Variants in ICA1L observed in about 807,000 individuals in gnomAD.
The protein encoded by ICA1L is islet cell autoantigen 1 like, also known as islet cell autoantigen 1-like protein.
A neutral mutation model predicts 61.3 loss-of-function variants in ICA1L; 50 were observed. The ratio of observed to expected loss-of-function variants is 0.82; its 90% CI spans 0.65 to 1.03. The LOEUF (loss-of-function observed/expected upper bound fraction) is 1.03, where lower values mean the gene tolerates loss of function less well. Among genes scored for constraint, ICA1L ranks in the 50% least tolerant of loss-of-function variants. The pLI is 0.00. For synonymous variants in ICA1L, 161 were observed against 191.3 expected, an observed-to-expected ratio of 0.84 and a Z score of 1.31; for missense variants, 508 against 556.7, an observed-to-expected ratio of 0.91 and a Z score of 0.88.
intron 7 of ICA1L, among the ~76,000 whole-genome samples, chr2:202,814,996 C>T (rs1369278297): frequency 6.6e-6 from 1 of 152,218 alleles, no homozygotes; most frequent in African/African-American, 2.4e-5. Flanking sequence ...GCAAACTGCA[C>T]ATATTGTGAT....
In ICA1L at chr2:202,774,869, A is replaced by G. The variant is rs1692174441; in HGVS notation, c.*4664T>C. 1 of 152,336 alleles carries G rather than the reference A, an allele frequency of 6.6e-6. No individual in the cohort carries two copies. The highest frequency in any genetic ancestry group is 6.5e-5 in the Admixed American group (1 of 15,286). The allele number at this position is 152,336 out of a possible 1,614,324, so 9.4% of individuals were successfully genotyped here. A position where few individuals can be genotyped will look rare whatever the true frequency, so the allele number is the denominator to read the frequency against. The stretch of plus-strand genomic sequence containing the variant: ...GTTTAAAACGTACACTACAAATGTA[A>G]AAACATACACTGCAAAATCTCACCC... On this transcript the variant is annotated 3_prime_UTR_variant, in exon 13 of 13. Coordinates refer to ENST00000358299, the MANE Select transcript of ICA1L (RefSeq NM_001288622.3).
At chr2:202,858,083 C>T (rs1694813851) in intron 1 of ICA1L, among the ~76,000 whole-genome samples, 1 of 152,088 alleles carries the variant, frequency 6.6e-6, no homozygotes, top group Non-Finnish European at 1.5e-5. Context: ...GGATCTAGAA[C>T]CAGAAATACC....
intron 1 of ICA1L, among the ~76,000 whole-genome samples, chr2:202,863,981 C>T (rs1052791420): frequency 6.6e-6 from 1 of 152,050 alleles, no homozygotes; most frequent in Non-Finnish European, 1.5e-5. Flanking sequence ...TTACCAAAAA[C>T]TAACACAAGA....
chr2:202,781,425 T>A (rs1459798114), intron 12 of ICA1L, among the ~76,000 whole-genome samples: 1 of 150,988 alleles, frequency 6.6e-6, no homozygotes, highest in African/African-American at 2.4e-5. Flanking sequence ...AAAAAAAAAA[T>A]TAGCAGGGCG....
At chr2:202,808,552 C>CA (rs1693290322) in intron 9 of ICA1L, among the ~76,000 whole-genome samples, 1 of 152,118 alleles carries the variant, frequency 6.6e-6, no homozygotes, top group South Asian at 2.1e-4. Flanking sequence ...GAGAACGACA[C>CA]AAGCCAGGCT....
chr2:202,800,503 A>C (rs565463806), intron 9 of ICA1L, among the ~76,000 whole-genome samples: 2 of 152,190 alleles, frequency 1.3e-5, no homozygotes, highest in African/African-American at 4.8e-5. Flanking sequence ...TTTGAGAGTC[A>C]GTTTTCTAAT....
intron 1 of ICA1L, among the ~76,000 whole-genome samples, chr2:202,867,980 C>T (rs1405706467): frequency 6.6e-6 from 1 of 152,006 alleles, no homozygotes; most frequent in Non-Finnish European, 1.5e-5. Flanking sequence ...TAGTATACTG[C>T]GCAATGGAAT....
In ICA1L at chr2:202,779,291, A is replaced by T. The variant is rs1478040701; in HGVS notation, c.*242T>A. ...AATATCGCAAACTCTGTAGTTTCTA[A>T]TATTTTCCACATAGAAGTTTCTAAT... On this transcript the variant is annotated 3_prime_UTR_variant, in exon 13 of 13. Transcript: ENST00000358299. The T allele has an allele frequency of 5.2e-6, 2 of 382,188 alleles. No individual in the cohort carries two copies. Among genetic ancestry groups the T allele is most frequent in the Non-Finnish European group, 9.2e-6 (2 of 216,262 alleles). 23.7% of individuals were successfully genotyped at this position (382,188 alleles called of 1,614,324 possible).
chr2:202,825,514 T>C, intron 3 of ICA1L, 181 bp downstream of exon 3: 1 of 1,328,868 alleles, frequency 7.5e-7, no homozygotes, highest in Non-Finnish European at 9.6e-7. Context: ...GTCAGAGGAT[T>C]TGATTAACTG....
chr2:202,812,459 C>T (rs1693404778), intron 8 of ICA1L, among the ~76,000 whole-genome samples: 1 of 152,056 alleles, frequency 6.6e-6, no homozygotes, highest in South Asian at 2.1e-4. Flanking sequence ...TGCCTGTAAT[C>T]CCAGCTACCC....
intron 10 of ICA1L, among the ~76,000 whole-genome samples, chr2:202,790,630 G>C (rs1230923834): frequency 6.6e-6 from 1 of 152,134 alleles, no homozygotes; most frequent in Non-Finnish European, 1.5e-5. Flanking sequence ...TAAGTCCTAG[G>C]TGAGTGCAGT....
intron 1 of ICA1L, among the ~76,000 whole-genome samples, chr2:202,835,334 T>G (rs1244626960): frequency 6.6e-6 from 1 of 150,730 alleles, no homozygotes; most frequent in African/African-American, 2.4e-5. Context: ...GTCTCCTGAG[T>G]AGCTGGGATT....
Position 202,776,928 on chromosome 2 carries a change from C to A in ICA1L, c.*2605G>T, listed in dbSNP as rs1271597148. On this transcript the variant is annotated 3_prime_UTR_variant, in exon 13 of 13. Transcript: ENST00000358299. ...GTCTGCTTGTTAAAGTATCTGTATT[C>A]GATAACAGGGACTTCCTTGCACACA... is the stretch of plus-strand genomic sequence containing the variant. 2.0e-5 allele frequency: 3 copies of A among 151,124 alleles called. No homozygotes were observed. The highest frequency in any genetic ancestry group is 7.3e-5 in the African/African-American group (3 of 41,004). The allele number at this position is 151,124 out of a possible 1,614,324, so 9.4% of individuals were successfully genotyped here. A position where few individuals can be genotyped will look rare whatever the true frequency, so the allele number is the denominator to read the frequency against.
intron 9 of ICA1L, among the ~76,000 whole-genome samples, chr2:202,805,970 G>C (rs1415198146): frequency 1.3e-5 from 2 of 152,178 alleles, no homozygotes; most frequent in African/African-American, 4.8e-5. Flanking sequence ...AGGTATACGA[G>C]TTCATGATTA....
At position 202,828,939 on chromosome 2, in the gene ICA1L, C is replaced by T; in HGVS notation, c.71G>A (p.Trp24Ter). 6.2e-7 allele frequency: 1 copy of T among 1,612,374 alleles called. No individual in the cohort carries two copies. Residue 24 changes from tryptophan (W) to a stop codon, truncating the protein, a stop_gained, in exon 2 of 13, where the codon TGG becomes TAG. Transcript: ENST00000358299. LOFTEE classifies it high-confidence loss of function. ...TTTGATAAAGACCTGTTTAGTTTTCCAGTATTTCTTTTGCATTCTTCTGAC... is the reference window on the plus strand; with the variant it reads ...TTTGATAAAGACCTGTTTAGTTTTCTAGTATTTCTTTTGCATTCTTCTGAC... ...SVVRRMQKKY[W>*]KTKQVFIKAT...
At chr2:202,779,903 C>T (rs549475455) in intron 12 of ICA1L, among the ~76,000 whole-genome samples, 3 of 151,300 alleles carry the variant, frequency 2.0e-5, no homozygotes, top group East Asian at 3.9e-4. Flanking sequence ...CCTCAGCCTC[C>T]GAGAACACTA....
chr2:202,834,978 C>T (rs1049974180), intron 1 of ICA1L, among the ~76,000 whole-genome samples: 1 of 151,878 alleles, frequency 6.6e-6, no homozygotes, highest in Non-Finnish European at 1.5e-5. Context: ...CCACAGGCAA[C>T]ACACCAACAT....
chr2:202,802,771 A>G (rs147745754), intron 9 of ICA1L, among the ~76,000 whole-genome samples: 2 of 152,216 alleles, frequency 1.3e-5, no homozygotes, highest in Non-Finnish European at 2.9e-5. Flanking sequence ...TTTTTTTAAT[A>G]AAACAAGAAT....
rs1692246242 is a variant in ICA1L at position 202,777,044 on chromosome 2, C to CTTTTTTTGTTTTTTTTTTTTT, written c.*2488_*2489insAAAAAAAAAAAAACAAAAAAA. On this transcript the variant is annotated 3_prime_UTR_variant, in exon 13 of 13. Transcript: ENST00000358299. ...ACAAACTCTCAAGACATAAAGTTAG[C>CTTTTTTTGTTTTTTTTTTTTT]TTTTTTTTTTTTTTTTTTTTTTTTT... 1.5e-5 allele frequency: 1 copy of CTTTTTTTGTTTTTTTTTTTTT among 68,578 alleles called. No homozygotes were observed. The highest frequency in any genetic ancestry group is 2.1e-4 in the Admixed American group (1 of 4,668). 4.2% of individuals were successfully genotyped at this position (68,578 alleles called of 1,614,324 possible).
Sources: gnomAD v4.1 joint callset for allele counts (sites outside exome capture counted in the v4.1 genomes callset) on GRCh38, gnomAD v4.1.1 for gene constraint, MANE v1.5 for transcripts, NCBI Gene and HGNC (gene_info 2026-07-23, HGNC 2026-07-21) for gene names.